Variants in DOCK3 observed in about 807,000 individuals in gnomAD.
DOCK3 encodes dedicator of cytokinesis protein 3.
Under a neutral mutation model 265.6 loss-of-function variants are expected in DOCK3, and 60 were observed. That is an observed-to-expected ratio of 0.23 (90% CI 0.18 to 0.28). The LOEUF is 0.28. Among genes scored for constraint, DOCK3 ranks in the 10% least tolerant of loss-of-function variants. The probability of loss-of-function intolerance (pLI) is 1.00; values close to 1 mark genes in which losing one functional copy is unlikely to be tolerated. For missense variants in DOCK3, 1,981 were observed against 2,594.3 expected (o/e 0.76, Z 5.14); for synonymous variants, 881 against 938.0 (o/e 0.94, Z 1.11).
At chr3:50,689,015 T>G (rs2035033213) in intron 1 of DOCK3, among the ~76,000 whole-genome samples, 1 of 152,164 alleles carries the variant, frequency 6.6e-6, no homozygotes, top group Admixed American at 6.5e-5. Flanking sequence ...GTAAATTAAG[T>G]GTCGGATTGT....
chr3:51,155,969 T>A (rs1407946018), intron 10 of DOCK3, among the ~76,000 whole-genome samples: 1 of 152,180 alleles, frequency 6.6e-6, no homozygotes, highest in African/African-American at 2.4e-5. Context: ...AGAGAATGAA[T>A]TTGTACAGTT....
At chr3:51,062,273 CTG>C (rs1169283842) in intron 5 of DOCK3, among the ~76,000 whole-genome samples, 1 of 152,162 alleles carries the variant, frequency 6.6e-6, no homozygotes, top group African/African-American at 2.4e-5. Flanking sequence ...TTTACAAAAT[CTG>C]TGTTTAACCT....
At chr3:50,932,008 A>C (rs1276825081) in intron 4 of DOCK3, among the ~76,000 whole-genome samples, 1 of 152,138 alleles carries the variant, frequency 6.6e-6, no homozygotes, top group Admixed American at 6.5e-5. Flanking sequence ...TCTTGTCCAT[A>C]AGTTGTGGTC....
At chr3:50,826,541 A>G (rs2044766085) in intron 2 of DOCK3, among the ~76,000 whole-genome samples, 1 of 152,204 alleles carries the variant, frequency 6.6e-6, no homozygotes, top group African/African-American at 2.4e-5. Context: ...ATATTTGAAG[A>G]TGCCTCTAAC....
chr3:50,698,959 A>G (rs994024909), intron 1 of DOCK3, among the ~76,000 whole-genome samples: 1 of 151,948 alleles, frequency 6.6e-6, no homozygotes, highest in African/African-American at 2.4e-5. Context: ...TTGCTTTTTC[A>G]CTTCGTTGGT....
intron 5 of DOCK3, among the ~76,000 whole-genome samples, chr3:51,049,351 G>C (rs924675735): frequency 8.0e-6 from 1 of 124,632 alleles, no homozygotes; most frequent in South Asian, 2.6e-4. Context: ...AAGAAAGAAA[G>C]AAAAAGAAGA....
intron 27 of DOCK3, among the ~76,000 whole-genome samples, chr3:51,287,810 C>A (rs901779207): frequency 2.6e-5 from 4 of 152,140 alleles, no homozygotes. Context: ...ATAAATAATT[C>A]TACCATAAAG....
chr3:50,865,618 C>T (rs1213488170), intron 3 of DOCK3, among the ~76,000 whole-genome samples: 4 of 152,124 alleles, frequency 2.6e-5, no homozygotes, highest in Non-Finnish European at 5.9e-5. Context: ...AACATGGGAG[C>T]GCATGTATCT....
chr3:51,312,702 A>G, intron 30 of DOCK3, 126 bp downstream of exon 30: 1 of 1,216,666 alleles, frequency 8.2e-7, no homozygotes, highest in Non-Finnish European at 1.1e-6. Flanking sequence ...CAAGTGTGGG[A>G]GTTCAGTCGA....
At chr3:50,745,156 C>T (rs2039342669) in intron 1 of DOCK3, among the ~76,000 whole-genome samples, 1 of 152,052 alleles carries the variant, frequency 6.6e-6, no homozygotes, top group Admixed American at 6.6e-5. Flanking sequence ...TGTTGCTCTC[C>T]TGTCTCAGCC....
At chr3:50,874,066 G>GT (rs3043436) in intron 3 of DOCK3, among the ~76,000 whole-genome samples, 5,552 of 106,088 alleles carry the variant, frequency 0.052, 207 homozygotes, top group African/African-American at 0.11. Flanking sequence ...CTTTTCTTTT[G>GT]TTTTTTTTTT....
chr3:50,939,208 C>G (rs983535579), intron 5 of DOCK3, among the ~76,000 whole-genome samples: 1 of 151,908 alleles, frequency 6.6e-6, no homozygotes, highest in South Asian at 2.1e-4. Flanking sequence ...CATAAATTGT[C>G]AAAACTCACC....
At chr3:51,161,219 C>A (rs929423952) in intron 12 of DOCK3, among the ~76,000 whole-genome samples, 1 of 151,872 alleles carries the variant, frequency 6.6e-6, no homozygotes, top group African/African-American at 2.4e-5. Flanking sequence ...CCAAGGCAGG[C>A]GGATCACGAG....
At chr3:50,755,172 A>T (rs2040084633) in intron 1 of DOCK3, among the ~76,000 whole-genome samples, 1 of 152,220 alleles carries the variant, frequency 6.6e-6, no homozygotes, top group Non-Finnish European at 1.5e-5. Context: ...ATTCAGCTTC[A>T]GTTTCTCACA....
At chr3:50,996,291 CA>C (rs1384231703) in intron 5 of DOCK3, among the ~76,000 whole-genome samples, 2 of 151,814 alleles carry the variant, frequency 1.3e-5, no homozygotes, top group African/African-American at 4.8e-5. Flanking sequence ...TATCTCGGCT[CA>C]CTGCAAGCTC....
intron 12 of DOCK3, among the ~76,000 whole-genome samples, chr3:51,191,444 C>A (rs563597372): frequency 2.0e-5 from 3 of 152,124 alleles, no homozygotes; most frequent in African/African-American, 7.2e-5. Context: ...TCTTTCCCTG[C>A]TGCTCCTACT....
intron 5 of DOCK3, among the ~76,000 whole-genome samples, chr3:51,011,619 C>G (rs1471880660): frequency 6.6e-6 from 1 of 152,218 alleles, no homozygotes; most frequent in East Asian, 1.9e-4. Context: ...CTTCTTCTCT[C>G]AACTTGTCAA....
At chr3:50,873,010 C>T (rs759646310) in intron 3 of DOCK3, among the ~76,000 whole-genome samples, 6 of 152,200 alleles carry the variant, frequency 3.9e-5, no homozygotes, top group Non-Finnish European at 8.8e-5. Flanking sequence ...ACCCAAGAGC[C>T]TGCTTTGTTC....
At chr3:51,176,828 G>A (rs1212605376) in intron 12 of DOCK3, among the ~76,000 whole-genome samples, 2 of 152,138 alleles carry the variant, frequency 1.3e-5, no homozygotes, top group Non-Finnish European at 2.9e-5. Flanking sequence ...CTGGTGGTTC[G>A]GAAAATGAGG....
Sources: gnomAD v4.1 joint callset for allele counts (sites outside exome capture counted in the v4.1 genomes callset) on GRCh38, gnomAD v4.1.1 for gene constraint, MANE v1.5 for transcripts, NCBI Gene and HGNC (gene_info 2026-07-23, HGNC 2026-07-21) for gene names.